Variants in SUPT3H observed in about 807,000 individuals in gnomAD.
SUPT3H encodes the protein SPT3 homolog, SAGA and STAGA complex component.
SUPT3H carries 44 observed loss-of-function variants against 44.3 expected under a neutral mutation model. That is an observed-to-expected ratio of 0.99 (90% CI 0.78 to 1.28). The LOEUF is 1.28. SUPT3H is among the 50% of genes most tolerant of loss of function. The pLI is 0.00. For synonymous variants in SUPT3H, 124 were observed against 125.6 expected (o/e 0.99, Z 0.09); for missense variants, 380 against 387.1 (o/e 0.98, Z 0.15).
intron 11 of SUPT3H, among the ~76,000 whole-genome samples, chr6:44,819,267 T>C (rs1302124569): frequency 6.6e-6 from 1 of 152,134 alleles, no homozygotes; most frequent in Non-Finnish European, 1.5e-5. Context: ...TATGCCATTC[T>C]GGAAAATATA....
At chr6:45,298,040 A>T (rs1781569421) in intron 2 of SUPT3H, among the ~76,000 whole-genome samples, 1 of 152,194 alleles carries the variant, frequency 6.6e-6, no homozygotes, top group African/African-American at 2.4e-5. Context: ...AATTTGACAA[A>T]ATCCAAAGCT....
intron 2 of SUPT3H, among the ~76,000 whole-genome samples, chr6:45,165,926 G>C (rs1256807869): frequency 1.3e-5 from 2 of 152,152 alleles, no homozygotes; most frequent in Non-Finnish European, 2.9e-5. Flanking sequence ...ATGCATATTG[G>C]AGGAAAATAT....
chr6:45,345,250 CTG>C (rs1357448407), intron 2 of SUPT3H, among the ~76,000 whole-genome samples: 1 of 152,154 alleles, frequency 6.6e-6, no homozygotes, highest in African/African-American at 2.4e-5. Flanking sequence ...TTGTTAAAGA[CTG>C]TAAAATGTCA....
At chr6:45,355,796 G>T (rs572513130) in intron 2 of SUPT3H, among the ~76,000 whole-genome samples, 1 of 152,220 alleles carries the variant, frequency 6.6e-6, no homozygotes, top group Non-Finnish European at 1.5e-5. Context: ...ACTTAGAAAT[G>T]GGTTGTATTC....
chr6:44,819,867 T>A (rs905280151), intron 11 of SUPT3H, among the ~76,000 whole-genome samples: 5 of 152,188 alleles, frequency 3.3e-5, no homozygotes, highest in Non-Finnish European at 7.3e-5. Context: ...CATGATTTTT[T>A]AAATAAAAAT....
intron 2 of SUPT3H, among the ~76,000 whole-genome samples, chr6:45,179,893 AG>A (rs1463603039): frequency 6.6e-6 from 1 of 152,216 alleles, no homozygotes; most frequent in East Asian, 1.9e-4. Flanking sequence ...GAGGAAATAA[AG>A]GGTATTCAAT....
rs1784022121 is a variant in SUPT3H at position 45,014,909 on chromosome 6, T to C, written c.274-18A>G. The C allele has an allele frequency of 2.8e-6, 4 of 1,415,012 alleles. No individual in the cohort carries two copies. Among genetic ancestry groups the C allele is most frequent in the Non-Finnish European group, 2.8e-6 (3 of 1,059,392 alleles). 87.7% of individuals were successfully genotyped at this position (1,415,012 alleles called of 1,614,324 possible). Reference sequence around the variant, plus strand: ...AGTTTTTTCTATTAAAAATATAAAATAAGTAAATAAGAAAACCTATACATA... The same window carrying C: ...AGTTTTTTCTATTAAAAATATAAAACAAGTAAATAAGAAAACCTATACATA... On this transcript the variant is annotated intron_variant, in intron 4 of 10. Coordinates refer to ENST00000371459, the MANE Select transcript of SUPT3H (RefSeq NM_003599.4).
intron 10 of SUPT3H, among the ~76,000 whole-genome samples, chr6:44,902,427 G>A (rs187226789): frequency 1.6e-4 from 24 of 152,226 alleles, no homozygotes; most frequent in African/African-American, 5.3e-4. Flanking sequence ...GATCAAAAGA[G>A]ACAAAGAAGT....
chr6:45,087,367 C>T (rs990697323), intron 3 of SUPT3H, among the ~76,000 whole-genome samples: 23 of 151,648 alleles, frequency 1.5e-4, no homozygotes, highest in Admixed American at 8.6e-4. Flanking sequence ...AAAGGGCACA[C>T]GAACTTAGGA....
chr6:45,235,628 T>C (rs984927405), intron 2 of SUPT3H, among the ~76,000 whole-genome samples: 7 of 152,102 alleles, frequency 4.6e-5, no homozygotes, highest in Admixed American at 3.9e-4. Context: ...TCTCACGTAC[T>C]AGGATGGTGA....
At chr6:44,831,948 G>A (rs1237717091) in intron 10 of SUPT3H, among the ~76,000 whole-genome samples, 1 of 152,054 alleles carries the variant, frequency 6.6e-6, no homozygotes, top group Non-Finnish European at 1.5e-5. Flanking sequence ...GAAAACCAAA[G>A]TTTAGAGTTG....
intron 10 of SUPT3H, among the ~76,000 whole-genome samples, chr6:44,880,890 C>T (rs1441407922): frequency 2.0e-5 from 3 of 152,070 alleles, no homozygotes; most frequent in South Asian, 2.1e-4. Context: ...ATTTTGTCAC[C>T]ACCAGGCCTA....
chr6:44,932,830 T>C, intron 9 of SUPT3H, 67 bp from the exon 10 acceptor site: 1 of 1,070,556 alleles, frequency 9.3e-7, no homozygotes. Flanking sequence ...AGTGTATAAA[T>C]ATGAAAATAA....
chr6:44,929,379 T>C (rs894521534), intron 10 of SUPT3H, among the ~76,000 whole-genome samples: 1 of 152,192 alleles, frequency 6.6e-6, no homozygotes, highest in Non-Finnish European at 1.5e-5. Context: ...TAAATGGATA[T>C]ATATATACAC....
intron 3 of SUPT3H, among the ~76,000 whole-genome samples, chr6:45,104,049 T>C (rs1436633104): frequency 6.6e-6 from 1 of 152,034 alleles, no homozygotes; most frequent in Non-Finnish European, 1.5e-5. Flanking sequence ...ACTTCATCAT[T>C]AGCACAGCTG....
chr6:45,120,877 A>G (rs1801560947), intron 2 of SUPT3H, among the ~76,000 whole-genome samples: 1 of 152,228 alleles, frequency 6.6e-6, no homozygotes, highest in Non-Finnish European at 1.5e-5. Context: ...GAATAATTGT[A>G]CTAAACAATG....
intron 2 of SUPT3H, among the ~76,000 whole-genome samples, chr6:45,216,310 G>A (rs1033566496): frequency 4.6e-5 from 7 of 151,930 alleles, no homozygotes; most frequent in Admixed American, 3.9e-4. Flanking sequence ...AGATACCTAT[G>A]AGAAAGTGAA....
At chr6:44,903,487 T>G (rs927314401) in intron 10 of SUPT3H, among the ~76,000 whole-genome samples, 19 of 148,728 alleles carry the variant, frequency 1.3e-4, no homozygotes, top group East Asian at 4.0e-4. Flanking sequence ...CCAGGAAGAA[T>G]TTGAATCTCT....
intron 10 of SUPT3H, among the ~76,000 whole-genome samples, chr6:44,881,447 T>A (rs1778207607): frequency 1.3e-5 from 2 of 152,152 alleles, no homozygotes; most frequent in South Asian, 4.1e-4. Context: ...TGGGAGACTT[T>A]AACACCCCAC....
Sources: allele counts gnomAD v4.1 joint callset (sites outside exome capture counted in the v4.1 genomes callset), GRCh38; gene constraint gnomAD v4.1.1; transcripts MANE v1.5; gene names NCBI Gene and HGNC (gene_info 2026-07-23, HGNC 2026-07-21).